NOS1AP: variants seen among roughly 807,000 people sequenced by gnomAD.
NOS1AP encodes carboxyl-terminal PDZ ligand of neuronal nitric oxide synthase protein.
NOS1AP carries 21 observed loss-of-function variants against 56.2 expected under a neutral mutation model. The ratio of observed to expected loss-of-function variants is 0.37; its 90% CI spans 0.26 to 0.54. The LOEUF is 0.54. Among genes scored for constraint, NOS1AP ranks in the 20% least tolerant of loss-of-function variants. The pLI is 0.84. For synonymous variants in NOS1AP, 270 were observed against 274.6 expected (o/e 0.98, Z 0.17); for missense variants, 522 against 657.8 (o/e 0.79, Z 2.26).
At chr1:162,273,313 G>T (rs1333710749) in intron 2 of NOS1AP, among the ~76,000 whole-genome samples, 1 of 151,876 alleles carries the variant, frequency 6.6e-6, no homozygotes, top group East Asian at 1.9e-4. Context: ...ACAGGCGCCC[G>T]CCACCACACC....
At chr1:162,289,966 A>G (rs1571194444) in intron 3 of NOS1AP, among the ~76,000 whole-genome samples, 1 of 151,998 alleles carries the variant, frequency 6.6e-6, no homozygotes, top group South Asian at 2.1e-4. Context: ...TGGCTTCCCC[A>G]TTGTGCATGT....
intron 1 of NOS1AP, among the ~76,000 whole-genome samples, chr1:162,122,972 T>G (rs1049187447): frequency 3.9e-5 from 6 of 152,246 alleles, no homozygotes; most frequent in African/African-American, 9.6e-5. Context: ...AAAATGCCAA[T>G]ATTTCTGCAA....
chr1:162,289,673 G>A (rs769764782), intron 3 of NOS1AP, among the ~76,000 whole-genome samples: 14 of 151,710 alleles, frequency 9.2e-5, no homozygotes, highest in African/African-American at 3.2e-4. Flanking sequence ...ACAGGGTTTC[G>A]CCATGGTGGC....
intron 3 of NOS1AP, among the ~76,000 whole-genome samples, chr1:162,297,717 A>G (rs934865759): frequency 6.6e-6 from 1 of 152,206 alleles, no homozygotes; most frequent in African/African-American, 2.4e-5. Context: ...AAGAAAAAAA[A>G]ACATGATAGA....
chr1:162,254,239 C>A lies in NOS1AP; in HGVS notation c.178-33105C>A, dbSNP rs145976015. Among the ~76,000 whole-genome samples the A allele has an allele frequency of 8.7e-4, 132 of 152,270 alleles. 1 individual carries two copies. Among genetic ancestry groups the A allele is most frequent in the African/African-American group, 2.8e-3 (116 of 41,550 alleles). ...ATTGTTTAAGTCCTCATTAAATGTG[C>A]ATCATGTAACTGCAAGGCCTTCTTC... On this transcript the variant is annotated intron_variant, in intron 2 of 9. Coordinates refer to ENST00000361897, the MANE Select transcript of NOS1AP (RefSeq NM_014697.3).
At chr1:162,235,345 T>C (rs1653256823) in intron 2 of NOS1AP, among the ~76,000 whole-genome samples, 1 of 152,192 alleles carries the variant, frequency 6.6e-6, no homozygotes, top group Non-Finnish European at 1.5e-5. Flanking sequence ...GAAGCTCTTA[T>C]GTAAGAGCTT....
intron 1 of NOS1AP, among the ~76,000 whole-genome samples, chr1:162,103,819 ATG>A (rs1647397889): frequency 6.6e-6 from 1 of 151,168 alleles, no homozygotes; most frequent in South Asian, 2.1e-4. Flanking sequence ...GAGCCTGTTT[ATG>A]TCTTTGCACA....
In NOS1AP at chr1:162,185,791, A is replaced by G. The variant is rs564507645; in HGVS notation, c.177+31315A>G. Among the ~76,000 whole-genome samples, 11 of 152,310 alleles carry G rather than the reference A, an allele frequency of 7.2e-5. No individual in the cohort carries two copies. The South Asian group carries it at 1.2e-3, about 17-fold the overall frequency. On this transcript the variant is annotated intron_variant, in intron 2 of 9. Coordinates refer to ENST00000361897, the MANE Select transcript of NOS1AP (RefSeq NM_014697.3). ...TGTTATTATAATATTTGGAATGAGG[A>G]TTTGTGGTGGAGGAAAAACAAAACC...
chr1:162,329,361 AAG>A (rs112676244), intron 4 of NOS1AP, among the ~76,000 whole-genome samples: 10,539 of 148,706 alleles, frequency 0.071, 418 homozygotes, highest in Middle Eastern at 0.12. Flanking sequence ...CCAAGAAAAA[AAG>A]AGAGAGAGAG....
chr1:162,223,604 G>A (rs1652853670), intron 2 of NOS1AP, among the ~76,000 whole-genome samples: 1 of 152,096 alleles, frequency 6.6e-6, no homozygotes, highest in African/African-American at 2.4e-5. Flanking sequence ...AACTGATTAA[G>A]ACATTTGTGA....
chr1:162,280,840 A>T (rs866058565), intron 2 of NOS1AP, among the ~76,000 whole-genome samples: 5 of 152,182 alleles, frequency 3.3e-5, no homozygotes, highest in Admixed American at 6.5e-5. Context: ...AAGACTCCTC[A>T]TAGATATTCT....
intron 5 of NOS1AP, among the ~76,000 whole-genome samples, chr1:162,336,993 T>G (rs965670161): frequency 2.6e-5 from 4 of 152,212 alleles, no homozygotes; most frequent in African/African-American, 9.6e-5. Context: ...CATTCCTTGT[T>G]TCCCCTCCTT....
chr1:162,225,196 C>G (rs968554832), intron 2 of NOS1AP, among the ~76,000 whole-genome samples: 1 of 152,218 alleles, frequency 6.6e-6, no homozygotes, highest in Non-Finnish European at 1.5e-5. Context: ...TATGAGGTCA[C>G]TCTCCTTATT....
chr1:162,307,718 G>A (rs933355564), intron 4 of NOS1AP, among the ~76,000 whole-genome samples: 53 of 152,124 alleles, frequency 3.5e-4, no homozygotes, highest in African/African-American at 1.3e-3. Flanking sequence ...GGCTGAGGCA[G>A]GAGAGTGGCG....
intron 2 of NOS1AP, among the ~76,000 whole-genome samples, chr1:162,176,960 T>G (rs986924179): frequency 2.6e-5 from 4 of 152,212 alleles, no homozygotes; most frequent in Non-Finnish European, 2.9e-5. Flanking sequence ...GCTTTCAAAT[T>G]AATTGGATAA....
chr1:162,144,247 T>G (rs1448887713), intron 1 of NOS1AP, among the ~76,000 whole-genome samples: 1 of 152,240 alleles, frequency 6.6e-6, no homozygotes, highest in East Asian at 1.9e-4. Flanking sequence ...TTGGCTTATG[T>G]TCATCCTGAT....
At chr1:162,232,120 C>T (rs1052551984) in intron 2 of NOS1AP, among the ~76,000 whole-genome samples, 3 of 152,086 alleles carry the variant, frequency 2.0e-5, no homozygotes, top group East Asian at 1.9e-4. Context: ...TCAATTTGGT[C>T]GCAATTTGAG....
At chr1:162,291,342 C>T (rs1168923064) in intron 3 of NOS1AP, among the ~76,000 whole-genome samples, 1 of 152,204 alleles carries the variant, frequency 6.6e-6, no homozygotes, top group Non-Finnish European at 1.5e-5. Flanking sequence ...TGTTCACTAG[C>T]TGCTTGATTG....
At chr1:162,152,304 C>G (rs979825222) in intron 1 of NOS1AP, among the ~76,000 whole-genome samples, 4 of 152,168 alleles carry the variant, frequency 2.6e-5, no homozygotes, top group African/African-American at 9.7e-5. Flanking sequence ...GGCCCTAGCT[C>G]TCATGTGATG....
Sources: allele counts gnomAD v4.1 joint callset (sites outside exome capture counted in the v4.1 genomes callset), GRCh38; gene constraint gnomAD v4.1.1; transcripts MANE v1.5; gene names NCBI Gene and HGNC (gene_info 2026-07-23, HGNC 2026-07-21).